The following PPP2R2C variants were observed in gnomAD, a reference collection of about 807,000 sequenced individuals.
The protein encoded by PPP2R2C is protein phosphatase 2, regulatory subunit B, gamma.
In PPP2R2C, 10 loss-of-function variants were observed where a neutral mutation model predicts 45.3. The ratio of observed to expected loss-of-function variants is 0.22; its 90% CI spans 0.14 to 0.37. The LOEUF is 0.37. Among genes scored for constraint, PPP2R2C ranks in the 10% least tolerant of loss-of-function variants. The pLI is 1.00. For missense variants in PPP2R2C, 308 were observed against 619.7 expected, an observed-to-expected ratio of 0.50 and a Z score of 5.34; for synonymous variants, 257 against 245.4, an observed-to-expected ratio of 1.05 and a Z score of -0.44.
chr4:6,517,368 A>AG (rs987926117), intron 2 of PPP2R2C, among the ~76,000 whole-genome samples: 5 of 152,144 alleles, frequency 3.3e-5, no homozygotes, highest in African/African-American at 1.2e-4. Context: ...TAGCTAGGAG[A>AG]GCCCAGGCAT....
At chr4:6,462,083 C>A (rs1560565946) in intron 1 of PPP2R2C, among the ~76,000 whole-genome samples, 1 of 152,232 alleles carries the variant, frequency 6.6e-6, no homozygotes, top group Non-Finnish European at 1.5e-5. Context: ...GGCGAGGGCA[C>A]CACTCTGCAG....
intron 1 of PPP2R2C, among the ~76,000 whole-genome samples, chr4:6,436,566 A>C (rs1358587212): frequency 6.6e-6 from 1 of 152,256 alleles, no homozygotes; most frequent in Non-Finnish European, 1.5e-5. Context: ...CTCTGTTACT[A>C]GAGTTCCCTG....
At chr4:6,346,745 G>A (rs1711984100) in intron 6 of PPP2R2C, among the ~76,000 whole-genome samples, 1 of 152,180 alleles carries the variant, frequency 6.6e-6, no homozygotes, top group Non-Finnish European at 1.5e-5. Flanking sequence ...GGGCTGGTGT[G>A]CACCCTGTCT....
At chr4:6,386,578 T>G (rs2109324183) in intron 1 of PPP2R2C, among the ~76,000 whole-genome samples, 1 of 152,342 alleles carries the variant, frequency 6.6e-6, no homozygotes, top group East Asian at 1.9e-4. Flanking sequence ...TTCAGCCAAG[T>G]TAACTGCTTG....
intron 2 of PPP2R2C, among the ~76,000 whole-genome samples, chr4:6,488,496 C>T (rs1722597872): frequency 6.6e-6 from 1 of 152,034 alleles, no homozygotes; most frequent in African/African-American, 2.4e-5. Flanking sequence ...CCAACCTAGG[C>T]ACCATAGTGA....
intron 6 of PPP2R2C, among the ~76,000 whole-genome samples, chr4:6,337,611 G>C (rs1733081373): frequency 6.6e-6 from 1 of 152,146 alleles, no homozygotes; most frequent in Admixed American, 6.5e-5. Context: ...GCTGGTCTAG[G>C]TTCCCAGCAG....
intron 2 of PPP2R2C, chr4:6,380,202 G>A (rs539457580): frequency 6.6e-6 from 1 of 152,654 alleles, no homozygotes; most frequent in Admixed American, 6.5e-5. Context: ...GCTTCTCTGA[G>A]TTTCCGCATC....
At chr4:6,519,359 G>A (rs1723941854) in intron 2 of PPP2R2C, among the ~76,000 whole-genome samples, 1 of 152,214 alleles carries the variant, frequency 6.6e-6, no homozygotes, top group Non-Finnish European at 1.5e-5. Context: ...TGTGGTATGA[G>A]GAGGGAGAAC....
At chr4:6,550,726 G>A (rs1307706017) in intron 1 of PPP2R2C, among the ~76,000 whole-genome samples, 1 of 152,210 alleles carries the variant, frequency 6.6e-6, no homozygotes, top group Non-Finnish European at 1.5e-5. Flanking sequence ...GCTCACTGCA[G>A]CCTCAAATTC....
At chr4:6,362,591 C>T (rs1713880012) in intron 5 of PPP2R2C, among the ~76,000 whole-genome samples, 1 of 152,210 alleles carries the variant, frequency 6.6e-6, no homozygotes, top group South Asian at 2.1e-4. Context: ...GCTGGGCAGG[C>T]CATCAGAAGG....
At chr4:6,389,567 G>A (rs1370343757) in intron 1 of PPP2R2C, among the ~76,000 whole-genome samples, 2 of 152,190 alleles carry the variant, frequency 1.3e-5, no homozygotes, top group East Asian at 1.9e-4. Flanking sequence ...TGGGCTTGGC[G>A]AGCGAATTTA....
At chr4:6,440,422 G>C (rs1720095843) in intron 1 of PPP2R2C, among the ~76,000 whole-genome samples, 1 of 152,192 alleles carries the variant, frequency 6.6e-6, no homozygotes. Context: ...AGAGTCCCCT[G>C]GGGCCAACAA....
chr4:6,403,964 G>A (rs1387529829), intron 1 of PPP2R2C, among the ~76,000 whole-genome samples: 6 of 152,128 alleles, frequency 3.9e-5, no homozygotes, highest in Admixed American at 3.9e-4. Context: ...GCACTGGGAT[G>A]GGAGTCAGGG....
chr4:6,403,795 G>T (rs530302805), intron 1 of PPP2R2C, among the ~76,000 whole-genome samples: 1 of 151,852 alleles, frequency 6.6e-6, no homozygotes, highest in South Asian at 2.1e-4. Flanking sequence ...CCTGGGAGGC[G>T]GAGGTTGCAG....
intron 1 of PPP2R2C, among the ~76,000 whole-genome samples, chr4:6,450,708 A>T (rs1225311280): frequency 6.6e-6 from 1 of 152,096 alleles, no homozygotes; most frequent in Non-Finnish European, 1.5e-5. Flanking sequence ...GCCTGGGTTA[A>T]AATCCTGGCC....
chr4:6,559,585 G>A (rs1306333414), intron 1 of PPP2R2C, among the ~76,000 whole-genome samples: 1 of 152,134 alleles, frequency 6.6e-6, no homozygotes, highest in Non-Finnish European at 1.5e-5. Context: ...TGGACTGGAT[G>A]CTTGTGTCCC....
chr4:6,346,805 C>T (rs1158349276), intron 6 of PPP2R2C, among the ~76,000 whole-genome samples: 2 of 152,306 alleles, frequency 1.3e-5, no homozygotes, highest in Middle Eastern at 3.4e-3. Flanking sequence ...GTGGCCCCAT[C>T]GCTCCCAAAC....
chr4:6,472,461 C>A lies in PPP2R2C; in HGVS notation c.-232G>T, dbSNP rs1002298970. 2.9e-6 allele frequency: 1 copy of A among 347,150 alleles called. No homozygotes were observed. The highest frequency in any genetic ancestry group is 4.0e-6 in the Non-Finnish European group (1 of 249,784). The allele number at this position is 347,150 out of a possible 1,614,324, so 21.5% of individuals were successfully genotyped here. On this transcript the variant is annotated 5_prime_UTR_variant, in exon 1 of 9. Transcript: ENST00000382599. ...GCGGCGGCCGCGGGTTCGGGCGGGC[C>A]GGGGCCCAGGCGCGCATCCCGGCCG...
chr4:6,411,847 C>T (rs1718225247), intron 1 of PPP2R2C, among the ~76,000 whole-genome samples: 2 of 151,692 alleles, frequency 1.3e-5, no homozygotes, highest in African/African-American at 4.8e-5. Flanking sequence ...CCACCGCGCC[C>T]GGCCTCCACC....
Sources: allele counts gnomAD v4.1 joint callset (sites outside exome capture counted in the v4.1 genomes callset), GRCh38; gene constraint gnomAD v4.1.1; transcripts MANE v1.5; gene names NCBI Gene and HGNC (gene_info 2026-07-23, HGNC 2026-07-21).